The following ENOX1 variants were observed in gnomAD, a reference collection of about 807,000 sequenced individuals.
The protein encoded by ENOX1 is ecto-NOX disulfide-thiol exchanger 1, also known as candidate growth-related and time keeping constitutive hydroquinone (NADH) oxidase.
ENOX1 carries 42 observed loss-of-function variants against 82.5 expected under a neutral mutation model. The ratio of observed to expected loss-of-function variants is 0.51; its 90% CI spans 0.40 to 0.66. ENOX1 has a LOEUF of 0.66. Among genes scored for constraint, ENOX1 ranks in the 30% least tolerant of loss-of-function variants. The probability of loss-of-function intolerance (pLI) is 0.00; values close to 1 mark genes in which losing one functional copy is unlikely to be tolerated. For synonymous variants in ENOX1, 271 were observed against 282.2 expected (o/e 0.96, Z 0.40); for missense variants, 608 against 811.6 (o/e 0.75, Z 3.05).
intron 5 of ENOX1, among the ~76,000 whole-genome samples, chr13:43,410,651 CAT>C (rs2054071307): frequency 6.6e-6 from 1 of 150,814 alleles, no homozygotes; most frequent in African/African-American, 2.5e-5. Context: ...CACACACACA[CAT>C]ATTACTACAG....
intron 1 of ENOX1, among the ~76,000 whole-genome samples, chr13:43,740,337 C>G (rs1223602692): frequency 2.0e-5 from 3 of 148,922 alleles, no homozygotes; most frequent in African/African-American, 7.8e-5. Context: ...GAAGTGACCT[C>G]AACCAATTTA....
chr13:43,683,394 G>A (rs1218458571), intron 1 of ENOX1, among the ~76,000 whole-genome samples: 2 of 152,146 alleles, frequency 1.3e-5, no homozygotes, highest in Non-Finnish European at 2.9e-5. Flanking sequence ...GGGGAGAGAT[G>A]CACTACACTA....
chr13:43,415,247 T>TG (rs2054385138), intron 3 of ENOX1, among the ~76,000 whole-genome samples: 1 of 145,990 alleles, frequency 6.8e-6, no homozygotes, highest in Non-Finnish European at 1.5e-5. Flanking sequence ...TTTTTTTTTT[T>TG]TTTTTTTTTT....
chr13:43,558,869 AAG>A (rs1566525103), intron 2 of ENOX1, among the ~76,000 whole-genome samples: 1 of 152,184 alleles, frequency 6.6e-6, no homozygotes, highest in East Asian at 1.9e-4. Context: ...TCTTTCTGAT[AAG>A]AGTATGTATT....
rs750558048 is a variant in ENOX1 at position 43,411,946 on chromosome 13, C to T, written c.178G>A (p.Val60Ile). 18 of 1,614,182 alleles carry T rather than the reference C, an allele frequency of 1.1e-5. No individual in the cohort carries two copies. Among genetic ancestry groups the T allele is most frequent in the Admixed American group, 6.7e-5 (4 of 60,030 alleles). The change falls in exon 5 of 17, where the codon GTA becomes ATA. Residue 60 changes from valine (V) to isoleucine (I), a missense_variant. Physicochemically the swap from Val to Ile is conservative, Grantham distance 29. Transcript: ENST00000690772. The part of the protein sequence containing the change: ...TAMNNLGMVP[V>I]GLPGQQLVSD... Reference sequence around the variant, plus strand: ...ACGAGCTGCTGTCCAGGCAACCCTACGGGAACCATGCCCAGGTTATTCATG... The same window carrying T: ...ACGAGCTGCTGTCCAGGCAACCCTATGGGAACCATGCCCAGGTTATTCATG...
intron 1 of ENOX1, among the ~76,000 whole-genome samples, chr13:43,727,637 T>C (rs1158687539): frequency 1.3e-5 from 2 of 152,256 alleles, no homozygotes; most frequent in East Asian, 3.9e-4. Context: ...ATAAATTAGA[T>C]CTTACATTAA....
At chr13:43,763,340 C>T (rs1951091985) in intron 1 of ENOX1, among the ~76,000 whole-genome samples, 1 of 152,166 alleles carries the variant, frequency 6.6e-6, no homozygotes, top group Admixed American at 6.5e-5. Context: ...ACCGCATTTT[C>T]ACAGAGTGTA....
chr13:43,361,408 T>A lies in ENOX1; in HGVS notation c.253A>T (p.Thr85Ser), dbSNP rs1369763971. 6.2e-7 allele frequency: 1 copy of A among 1,613,312 alleles called. No individual in the cohort carries two copies. Among genetic ancestry groups the A allele is most frequent in the Non-Finnish European group, 8.5e-7 (1 of 1,179,834 alleles). The change falls in exon 6 of 17, where the codon ACT becomes TCT. Residue 85 changes from threonine (T) to serine (S), a missense_variant. Thr to Ser is a moderately conservative substitution (Grantham distance 58). Transcript: ENST00000690772. ...PGFDPSLNMM[T>S]GITPINPMIP... Reference sequence around the variant, plus strand: ...ATTGGGTTAATGGGGGTGATTCCAGTCATCATGTTGAGGCTTGGATCAAAG... The same window carrying A: ...ATTGGGTTAATGGGGGTGATTCCAGACATCATGTTGAGGCTTGGATCAAAG...
At chr13:43,472,531 C>T (rs1198865050) in intron 3 of ENOX1, among the ~76,000 whole-genome samples, 1 of 152,084 alleles carries the variant, frequency 6.6e-6, no homozygotes, top group Non-Finnish European at 1.5e-5. Context: ...GCATGTGGAG[C>T]CCAGAAAAGA....
rs1331629221 is a variant in ENOX1, at chr13:43,581,392, A to G, written c.-219+86087T>C. 3.3e-5 allele frequency among the ~76,000 whole-genome samples: 5 copies of G among 151,862 alleles called. No homozygotes were observed. In the South Asian group the frequency reaches 1.0e-3, roughly 32 times the overall value. On this transcript the variant is annotated intron_variant, in intron 2 of 16. Coordinates refer to ENST00000690772, the MANE Select transcript of ENOX1 (RefSeq NM_001347969.2). ...CGTGATCCGCCCGCCTCAGCCTCCCAAAGTGCTGGGATTACAGGCGTGAGC... is the reference window on the plus strand; with the variant it reads ...CGTGATCCGCCCGCCTCAGCCTCCCGAAGTGCTGGGATTACAGGCGTGAGC...
chr13:43,582,590 T>C (rs1298747505), intron 2 of ENOX1, among the ~76,000 whole-genome samples: 1 of 152,092 alleles, frequency 6.6e-6, no homozygotes, highest in Admixed American at 6.6e-5. Context: ...TCTTTTTTTT[T>C]GGAGACAGGG....
At chr13:43,518,243 T>A (rs2077630574) in intron 2 of ENOX1, among the ~76,000 whole-genome samples, 2 of 152,080 alleles carry the variant, frequency 1.3e-5, no homozygotes. Context: ...TCTCAGGAAG[T>A]GTGTTGTGAG....
At chr13:43,356,763 C>T (rs995408116) in intron 7 of ENOX1, among the ~76,000 whole-genome samples, 1 of 152,122 alleles carries the variant, frequency 6.6e-6, no homozygotes, top group Non-Finnish European at 1.5e-5. Context: ...TGTTTTATTT[C>T]CACTTATCCT....
At chr13:43,583,809 A>G (rs2080854878) in intron 2 of ENOX1, among the ~76,000 whole-genome samples, 1 of 146,184 alleles carries the variant, frequency 6.8e-6, no homozygotes, top group Admixed American at 7.0e-5. Flanking sequence ...ATCTCCTATC[A>G]GATATAAACT....
chr13:43,570,949 G>A (rs761831335), intron 2 of ENOX1, among the ~76,000 whole-genome samples: 33 of 152,130 alleles, frequency 2.2e-4, no homozygotes, highest in Non-Finnish European at 4.1e-4. Context: ...CATTTCTCAT[G>A]TTTCTATAAA....
At chr13:43,441,857 A>G (rs1404548811) in intron 3 of ENOX1, among the ~76,000 whole-genome samples, 1 of 151,146 alleles carries the variant, frequency 6.6e-6, no homozygotes, top group African/African-American at 2.4e-5. Context: ...TTTTTAAGCC[A>G]TTAGAAATGT....
chr13:43,378,234 C>T (rs9316017), intron 5 of ENOX1, among the ~76,000 whole-genome samples: 11,641 of 152,218 alleles, frequency 0.076, 920 homozygotes, highest in East Asian at 0.36. Context: ...GGAGAGTTTC[C>T]GGGCTACAGC....
chr13:43,426,215 G>A (rs1243369176), intron 3 of ENOX1, among the ~76,000 whole-genome samples: 2 of 152,170 alleles, frequency 1.3e-5, no homozygotes, highest in African/African-American at 4.8e-5. Flanking sequence ...TTGTGGAAAA[G>A]AAGAAGGAGG....
chr13:43,681,870 T>C (rs1410032089), intron 1 of ENOX1, among the ~76,000 whole-genome samples: 1 of 152,120 alleles, frequency 6.6e-6, no homozygotes, highest in Non-Finnish European at 1.5e-5. Flanking sequence ...GAGGAACAAG[T>C]TTCTTGTCAT....
Sources: allele counts gnomAD v4.1 joint callset (sites outside exome capture counted in the v4.1 genomes callset), GRCh38; gene constraint gnomAD v4.1.1; transcripts MANE v1.5; gene names NCBI Gene and HGNC (gene_info 2026-07-23, HGNC 2026-07-21).